Variants in OSBPL11 observed in about 807,000 individuals in gnomAD.
OSBPL11 encodes the protein oxysterol binding protein like 11, also known as oxysterol-binding protein-related protein 11.
In OSBPL11, 33 loss-of-function variants were observed where a neutral mutation model predicts 84.4. That is an observed-to-expected ratio of 0.39 (90% CI 0.30 to 0.52). The LOEUF is 0.52. OSBPL11 is among the 20% of genes least tolerant of loss of function. The pLI is 0.72. For synonymous variants in OSBPL11, 276 were observed against 310.2 expected (o/e 0.89, Z 1.16); for missense variants, 736 against 901.1 (o/e 0.82, Z 2.35).
In OSBPL11 at chr3:125,594,816, C is replaced by T. The variant is rs1260146794; in HGVS notation, c.-16G>A. 6.2e-6 allele frequency: 10 copies of T among 1,611,476 alleles called. No individual in the cohort carries two copies. The East Asian group carries it at 2.2e-4, about 36-fold the overall frequency. On this transcript the variant is annotated 5_prime_UTR_variant, in exon 1 of 13. Transcript: ENST00000296220. The stretch of plus-strand genomic sequence containing the variant: ...CCCCCTGCATCTTAACGCCAAAGTC[C>T]ACTTGCCCTTCTTGAGCGGGAGAGA...
At chr3:125,530,649 C>A (rs1935543519) in intron 12 of OSBPL11, 69 bp from the exon 13 acceptor site, 1 of 1,192,942 alleles carries the variant, frequency 8.4e-7, no homozygotes, top group Non-Finnish European at 1.2e-6. Flanking sequence ...AAACTAGAAG[C>A]AACACCTTCA....
chr3:125,591,828 C>T (rs893669418), intron 1 of OSBPL11, among the ~76,000 whole-genome samples: 3 of 152,060 alleles, frequency 2.0e-5, no homozygotes, highest in African/African-American at 7.2e-5. Flanking sequence ...ATCGCAAGAT[C>T]CTGCCTCTAG....
intron 1 of OSBPL11, among the ~76,000 whole-genome samples, chr3:125,584,971 G>T (rs1000132680): frequency 6.6e-6 from 1 of 151,948 alleles, no homozygotes; most frequent in East Asian, 1.9e-4. Context: ...GGGATGGGGG[G>T]GTCTCACTAT....
chr3:125,559,794 G>C (rs959024490), intron 8 of OSBPL11, among the ~76,000 whole-genome samples: 4 of 152,074 alleles, frequency 2.6e-5, no homozygotes, highest in African/African-American at 9.7e-5. Flanking sequence ...TCCTGAGACG[G>C]GTTTCACCTC....
Position 125,552,605 on chromosome 3 carries a change from G to A in OSBPL11, c.1230C>T (p.Asp410=). 6.2e-7 allele frequency: 1 copy of A among 1,614,080 alleles called. No homozygotes were observed. The change falls in exon 9 of 13, where the codon GAC becomes GAT. Residue 410 remains aspartate (D), a synonymous_variant. Transcript: ENST00000296220. ...CTCCATTAGTGATGGCTATAAATAGGTCTGGATGAGACATAAAGTCTGCAT... is the reference window on the plus strand; with the variant it reads ...CTCCATTAGTGATGGCTATAAATAGATCTGGATGAGACATAAAGTCTGCAT... ...EMYADFMSHP[D]LFIAITNGAT...
intron 9 of OSBPL11, among the ~76,000 whole-genome samples, chr3:125,551,299 AAGC>A (rs1253461013): frequency 4.0e-5 from 6 of 151,542 alleles, no homozygotes; most frequent in Admixed American, 2.0e-4. Flanking sequence ...TTAATTTAAA[AAGC>A]AGGACTCAAA....
Position 125,531,945 on chromosome 3 carries a change from A to G in OSBPL11, c.2094T>C (p.His698=). 1 of 1,614,106 alleles carries G rather than the reference A, an allele frequency of 6.2e-7. No individual in the cohort carries two copies. ...SEIDKATEHK[H]TLEERQRTEE... ...CAGTCCTCTGACGTTCTTCCAGGGT[A>G]TGCTTATGCTCTGTGGCCTTATCAA... is the stretch of plus-strand genomic sequence containing the variant. The change falls in exon 12 of 13, where the codon CAT becomes CAC. Residue 698 remains histidine (H), a synonymous_variant. Transcript: ENST00000296220.
rs151042694 is a variant in OSBPL11, at chr3:125,578,534, A to G, written c.489+426T>C. On this transcript the variant is annotated intron_variant, in intron 4 of 12. Coordinates refer to ENST00000296220, the MANE Select transcript of OSBPL11 (RefSeq NM_022776.5). ...CAAGGTGGGCGGATCACTTGAGGTC[A>G]GGAGTTCGAGGCCAGCCTGGCCAAC... Among the ~76,000 whole-genome samples the G allele has an allele frequency of 2.0e-4, 31 of 152,326 alleles. No individual in the cohort carries two copies. The East Asian group carries it at 4.0e-3, about 20-fold the overall frequency.
chr3:125,531,158 T>C (rs1935549225), intron 12 of OSBPL11, among the ~76,000 whole-genome samples: 1 of 150,914 alleles, frequency 6.6e-6, no homozygotes, highest in Non-Finnish European at 1.5e-5. Context: ...TTTGTATTTT[T>C]AGTAGAGATG....
chr3:125,588,745 C>T (rs1479461125), intron 1 of OSBPL11, among the ~76,000 whole-genome samples: 9 of 152,114 alleles, frequency 5.9e-5, no homozygotes, highest in Non-Finnish European at 1.3e-4. Flanking sequence ...CTCGCAACAG[C>T]TAGTGTGTAG....
intron 1 of OSBPL11, among the ~76,000 whole-genome samples, chr3:125,589,503 T>C (rs1936566599): frequency 6.6e-6 from 1 of 152,112 alleles, no homozygotes; most frequent in African/African-American, 2.4e-5. Context: ...TCCAGTTACA[T>C]GCCTACAATT....
chr3:125,550,969 G>A (rs1287270504), intron 9 of OSBPL11, among the ~76,000 whole-genome samples: 1 of 151,936 alleles, frequency 6.6e-6, no homozygotes, highest in Non-Finnish European at 1.5e-5. Context: ...TGACCAGCCT[G>A]GGCAACATAT....
chr3:125,555,004 C>CTG (rs35215120), intron 8 of OSBPL11, among the ~76,000 whole-genome samples: 10,319 of 152,230 alleles, frequency 0.068, 468 homozygotes, highest in Non-Finnish European at 0.098. Flanking sequence ...TTGGGTGCGT[C>CTG]TGAGGGTGTT....
chr3:125,570,647 A>G (rs1050578258), intron 5 of OSBPL11, among the ~76,000 whole-genome samples: 3 of 152,178 alleles, frequency 2.0e-5, no homozygotes, highest in African/African-American at 7.2e-5. Flanking sequence ...CATGATAGTG[A>G]ATAAGTCTCA....
At chr3:125,534,298 G>A (rs1206613690) in intron 11 of OSBPL11, among the ~76,000 whole-genome samples, 3 of 151,760 alleles carry the variant, frequency 2.0e-5, no homozygotes, top group South Asian at 2.1e-4. Context: ...CATGAGAATC[G>A]CTTGAACCAG....
intron 4 of OSBPL11, among the ~76,000 whole-genome samples, chr3:125,577,622 G>A (rs532334886): frequency 7.2e-5 from 11 of 152,212 alleles, no homozygotes; most frequent in African/African-American, 2.4e-4. Context: ...GAGCTCAAGA[G>A]TTCGAGACCA....
intron 10 of OSBPL11, among the ~76,000 whole-genome samples, chr3:125,546,077 A>G (rs1935808259): frequency 6.6e-6 from 1 of 151,552 alleles, no homozygotes; most frequent in Non-Finnish European, 1.5e-5. Context: ...GCTTGAGCCC[A>G]GGAGTACAAA....
chr3:125,530,427 C>T lies in OSBPL11; in HGVS notation c.*88G>A, dbSNP rs368500658. On this transcript the variant is annotated 3_prime_UTR_variant, in exon 13 of 13. Transcript: ENST00000296220. The stretch of plus-strand genomic sequence containing the variant: ...AGTTTCAGTCTGCGCAATCAGGAAG[C>T]AGGTCACTCAGTGCAATGACTCCAT... 273 of 1,189,538 alleles carry T rather than the reference C, an allele frequency of 2.3e-4. 4 individuals carry two copies. The highest frequency in any genetic ancestry group is 2.3e-3 in the South Asian group (184 of 80,434). 73.7% of individuals were successfully genotyped at this position (1,189,538 alleles called of 1,614,324 possible).
At chr3:125,542,692 A>T (rs1935749654) in intron 10 of OSBPL11, among the ~76,000 whole-genome samples, 2 of 151,918 alleles carry the variant, frequency 1.3e-5, no homozygotes, top group African/African-American at 4.8e-5. Flanking sequence ...TTGTATTTTT[A>T]GTAGAGACGG....
Sources: gnomAD v4.1 joint callset for allele counts (sites outside exome capture counted in the v4.1 genomes callset) on GRCh38, gnomAD v4.1.1 for gene constraint, MANE v1.5 for transcripts, NCBI Gene and HGNC (gene_info 2026-07-23, HGNC 2026-07-21) for gene names.